The following TNXB variants were observed in gnomAD, a reference collection of about 807,000 sequenced individuals.
TNXB encodes tenascin-X.
In TNXB, 183 loss-of-function variants were observed where a neutral mutation model predicts 340.5. The observed-to-expected ratio is 0.54, with a 90% CI of 0.48 to 0.61. The LOEUF (loss-of-function observed/expected upper bound fraction) is 0.61. Ranked by LOEUF, TNXB falls within the 20% of genes least tolerant of loss-of-function variation. TNXB has a pLI of 0.00. For synonymous variants in TNXB, 2,121 were observed against 2,314.5 expected (o/e 0.92, Z 2.40); for missense variants, 4,613 against 5,446.4 (o/e 0.85, Z 4.82).
At position 32,055,914 on chromosome 6, in the gene TNXB, T is replaced by A; in HGVS notation, c.8404A>T (p.Met2802Leu). 6.2e-7 allele frequency: 1 copy of A among 1,613,478 alleles called. No individual in the cohort carries two copies. Among genetic ancestry groups the A allele is most frequent in the Non-Finnish European group, 8.5e-7 (1 of 1,179,872 alleles). The change falls in exon 24 of 44, where the codon ATG becomes TTG. Residue 2802 changes from methionine (M) to leucine (L), a missense_variant. Physicochemically the swap from Met to Leu is conservative, Grantham distance 15 (BLOSUM62 2). Transcript: ENST00000644971. ...CCCTCGTGGAGGCCGTACAGGTGCA[T>A]CTTGTATTTGCGCCCGGGCTCCAGG... ...GGLEPGRKYK[M>L]HLYGLHEGRR...
chr6:32,071,399 C>T (rs963155137), intron 13 of TNXB, among the ~76,000 whole-genome samples: 5 of 151,946 alleles, frequency 3.3e-5, no homozygotes, highest in Admixed American at 6.5e-5. Flanking sequence ...TGGCTCCCCT[C>T]GCCCCTTCTC....
At position 32,048,379 on chromosome 6, in the gene TNXB, A is replaced by C; in HGVS notation, c.10029T>G (p.Pro3343=). 1 of 1,504,492 alleles carries C rather than the reference A, an allele frequency of 6.6e-7. No individual in the cohort carries two copies. Among genetic ancestry groups the C allele is most frequent in the Non-Finnish European group, 8.9e-7 (1 of 1,123,608 alleles). 93.2% of individuals were successfully genotyped at this position (1,504,492 alleles called of 1,614,324 possible). A position where few individuals can be genotyped will look rare whatever the true frequency, so the allele number is the denominator to read the frequency against. ...LQNGKRHGPV[P]VEARTAPDTK... ...CTCACTCACCGGTCCTGGCCTCCACAGGGACTGGGCCGTGGCGTTTCCCAT... is the reference window on the plus strand; with the variant it reads ...CTCACTCACCGGTCCTGGCCTCCACCGGGACTGGGCCGTGGCGTTTCCCAT... The change falls in exon 29 of 44, where the codon CCT becomes CCG. Residue 3343 remains proline (P), a synonymous_variant. Transcript: ENST00000644971.
Position 32,096,738 on chromosome 6 carries a change from G to A in TNXB, c.1115C>T (p.Thr372Ile). Residue 372 changes from threonine (T) to isoleucine (I), a missense_variant, in exon 3 of 44, where the codon ACA becomes ATA. Physicochemically the swap from Thr to Ile is moderately conservative, Grantham distance 89. Transcript: ENST00000644971. ...GYTGEDCSTR[T>I]CPRDCRGRGR... ...GCGGCCCCGGCAGTCCCTCGGACAT[G>A]TCCGCGTGCTGCAGTCCTCGCCTGT... 1 of 1,551,182 alleles carries A rather than the reference G, an allele frequency of 6.4e-7. No individual in the cohort carries two copies. The highest frequency in any genetic ancestry group is 8.7e-7 in the Non-Finnish European group (1 of 1,150,018).
In TNXB at chr6:32,065,090, G is replaced by C; in HGVS notation, c.6572C>G (p.Pro2191Arg). The part of the protein sequence containing the change: ...TAPEEESPDA[P>R]LAKLRLGQMT... ...CTGCCCTAGGCGCAGCTTTGCAAGA[G>C]GAGCATCAGGGGACTCCTCTTCGGG... Residue 2191 changes from proline to arginine, a missense_variant, in exon 19 of 44, where the codon CCT becomes CGT. Physicochemically the swap from Pro to Arg is moderately radical, Grantham distance 103. This residue lies in a region of TNXB where 4,327 missense variants were observed against 4,859.4 expected (regional missense o/e 0.89). Transcript: ENST00000644971. 2 of 1,588,662 alleles carry C rather than the reference G, an allele frequency of 1.3e-6. No homozygotes were observed. Among genetic ancestry groups the C allele is most frequent in the Non-Finnish European group, 1.7e-6 (2 of 1,167,330 alleles).
In TNXB at chr6:32,052,102, C is replaced by CA. The variant is rs1006816900; in HGVS notation, c.9115+567dup. Among the ~76,000 whole-genome samples the CA allele has an allele frequency of 4.0e-4, 61 of 152,002 alleles. No homozygotes were observed. The highest frequency in any genetic ancestry group is 2.9e-3 in the Admixed American group (45 of 15,276). On this transcript the variant is annotated intron_variant, in intron 26 of 43. Transcript: ENST00000644971. This position sits in a 1 kb window ranked among gnomAD's most constrained non-coding sequence, Gnocchi z 4.7. The stretch of plus-strand genomic sequence containing the variant: ...TGTACTTTACTACAATAAAAAACAA[C>CA]AAAAAAAGTGTGTTCCTTGGACCAG...
chr6:32,053,360 C>T (rs765491265), intron 25 of TNXB, 28 bp downstream of exon 25: 2 of 1,604,356 alleles, frequency 1.2e-6, no homozygotes, highest in Non-Finnish European at 1.7e-6. Context: ...CCACAGGCCC[C>T]ACTCTGGGGC....
At chr6:32,048,098 G>A (rs1013826125) in intron 29 of TNXB, 86 bp from the exon 30 acceptor site, 19 of 1,472,102 alleles carry the variant, frequency 1.3e-5, no homozygotes, top group East Asian at 2.3e-5. Context: ...TCTGTGAGCC[G>A]GTCCCAGGAA....
Position 32,082,843 on chromosome 6 carries a change from C to T in TNXB, c.3446-517G>A, listed in dbSNP as rs762734101. ...ACTTTGACCCATGGATGGACTCCCT[C>T]GCCTGCAGCACTGACCCTTCACTCC... On this transcript the variant is annotated intron_variant, in intron 8 of 43. Transcript: ENST00000644971. This position sits in a 1 kb window ranked among gnomAD's most constrained non-coding sequence, Gnocchi z 5.0. Among the ~76,000 whole-genome samples the T allele has an allele frequency of 6.6e-6, 1 of 152,156 alleles. No homozygotes were observed. The highest frequency in any genetic ancestry group is 2.4e-5 in the African/African-American group (1 of 41,426).
intron 1 of TNXB, among the ~76,000 whole-genome samples, chr6:32,103,278 A>T (rs578078516): frequency 1.1e-3 from 160 of 152,018 alleles, no homozygotes; most frequent in Middle Eastern, 3.4e-3. Context: ...AAATAAAAAA[A>T]AATTAGCTGG....
In TNXB at chr6:32,081,645, G is replaced by A. The variant is rs773075002; in HGVS notation, c.3765C>T (p.Arg1255=). The A allele has an allele frequency of 8.2e-6, 13 of 1,593,164 alleles. No individual in the cohort carries two copies. The highest frequency in any genetic ancestry group is 1.7e-4 in the Middle Eastern group (1 of 6,050). Residue 1255 remains arginine (R), a synonymous_variant, in exon 10 of 44, where the codon CGC becomes CGT. Transcript: ENST00000644971. This position sits in a 1 kb window ranked among gnomAD's most constrained non-coding sequence, Gnocchi z 5.1. ...TAPERKEEPP[R]PEFLEQPLLG... ...GGAGGGGCTGCTCCAGGAACTCAGG[G>A]CGGGGGGGCTCCTCTTTCCTCTCTG...
At position 32,080,008 on chromosome 6, in the gene TNXB, T is replaced by C. The variant is rs1214363649; in HGVS notation, c.4043-643A>G. Reference sequence around the variant, plus strand: ...GTGGCACAAGGGAAACCAGCCCTTCTGTGACCTGCTACATGGGGGACTACT... The same window carrying C: ...GTGGCACAAGGGAAACCAGCCCTTCCGTGACCTGCTACATGGGGGACTACT... On this transcript the variant is annotated intron_variant, in intron 10 of 43. Transcript: ENST00000644971. The surrounding 1 kb of genome is among the most constrained non-coding windows in gnomAD (Gnocchi z 4.3). 6.6e-6 allele frequency among the ~76,000 whole-genome samples: 1 copy of C among 152,164 alleles called. No individual in the cohort carries two copies. Among genetic ancestry groups the C allele is most frequent in the African/African-American group, 2.4e-5 (1 of 41,432 alleles).
chr6:32,041,203 TC>T lies in TNXB; in HGVS notation c.*145del, dbSNP rs1187394666. The T allele has an allele frequency of 6.3e-6, 6 of 956,026 alleles. No individual in the cohort carries two copies. The highest frequency in any genetic ancestry group is 6.2e-5 in the African/African-American group (4 of 64,840). The allele number at this position is 956,026 out of a possible 1,614,324, so 59.2% of individuals were successfully genotyped here. ...ATTGCTCCCGTACGAACCCCTCCCC[TC>T]CCCCCTGTAAACACAGTGCTGCGAG... On this transcript the variant is annotated 3_prime_UTR_variant, in exon 44 of 44. Coordinates refer to ENST00000644971, the MANE Select transcript of TNXB (RefSeq NM_001365276.2).
chr6:32,104,053 A>G (rs1780857329), intron 1 of TNXB, among the ~76,000 whole-genome samples: 1 of 152,092 alleles, frequency 6.6e-6, no homozygotes. Context: ...AACATTCTGT[A>G]TCCACGCTGA....
intron 1 of TNXB, among the ~76,000 whole-genome samples, chr6:32,098,988 C>T (rs13199524): frequency 0.084 from 12,715 of 152,190 alleles, 591 homozygotes; most frequent in South Asian, 0.15. Context: ...TTTACTGCTG[C>T]CTGAGTTATC....
At chr6:32,086,166 T>G in intron 6 of TNXB, 48 bp from the exon 7 acceptor site, 1 of 1,438,688 alleles carries the variant, frequency 7.0e-7, no homozygotes, top group Non-Finnish European at 9.1e-7. Flanking sequence ...GTATGAGAAC[T>G]AGAAAGGAAT....
Position 32,043,829 on chromosome 6 carries a change from G to C in TNXB, c.11450C>G (p.Pro3817Arg). The C allele has an allele frequency of 6.2e-7, 1 of 1,613,674 alleles. No homozygotes were observed. The highest frequency in any genetic ancestry group is 8.5e-7 in the Non-Finnish European group (1 of 1,179,982). Residue 3817 changes from proline (P) to arginine (R), a missense_variant, in exon 35 of 44, where the codon CCA (proline) becomes CGA (arginine). Coordinates refer to ENST00000644971, the MANE Select transcript of TNXB (RefSeq NM_001365276.2). ...CACGGTCACCTCATAGCGAGCGCCT[G>C]GGATCAGCCCCTGGAGTTTCTGGGT... ...ARTQKLQGLIPGARYEVTVVS... is the reference protein window; with the variant it reads ...ARTQKLQGLIRGARYEVTVVS...
At chr6:32,076,249 G>A (rs1011028279) in intron 11 of TNXB, among the ~76,000 whole-genome samples, 11 of 152,102 alleles carry the variant, frequency 7.2e-5, no homozygotes, top group Non-Finnish European at 1.3e-4. Flanking sequence ...CAATTATAAC[G>A]ATTCATGACT....
chr6:32,041,227 G>A lies in TNXB; in HGVS notation c.*122C>T, dbSNP rs528554433. 454 of 860,400 alleles carry A rather than the reference G, an allele frequency of 5.3e-4. No homozygotes were observed. The African/African-American group carries it at 6.3e-3, about 12-fold the overall frequency. 53.3% of individuals were successfully genotyped at this position (860,400 alleles called of 1,614,324 possible). A position where few individuals can be genotyped will look rare whatever the true frequency, so the allele number is the denominator to read the frequency against. On this transcript the variant is annotated 3_prime_UTR_variant, in exon 44 of 44. Coordinates refer to ENST00000644971, the MANE Select transcript of TNXB (RefSeq NM_001365276.2). ...CTCCCCCCTGTAAACACAGTGCTGC[G>A]AGATCGCTGGCAGAGAAGGCTTCCT...
intron 26 of TNXB, 50 bp from the exon 27 acceptor site, chr6:32,050,371 CA>C (rs763236830): frequency 1.3e-6 from 2 of 1,594,276 alleles, no homozygotes; most frequent in Non-Finnish European, 1.7e-6. Flanking sequence ...CTCAGTTCAG[CA>C]TAGAAAGGAT....
Sources: allele counts gnomAD v4.1 joint callset (sites outside exome capture counted in the v4.1 genomes callset), GRCh38; gene constraint gnomAD v4.1.1; regional missense constraint gnomAD v4.1.1; non-coding constraint Gnocchi (gnomAD v3.1); transcripts MANE v1.5; gene names NCBI Gene and HGNC (gene_info 2026-07-23, HGNC 2026-07-21).